The following CALD1 variants were observed in gnomAD, a reference collection of about 807,000 sequenced individuals.
The protein encoded by CALD1 is caldesmon.
CALD1 carries 33 observed loss-of-function variants against 99.9 expected under a neutral mutation model. That is an observed-to-expected ratio of 0.33 (90% CI 0.25 to 0.44). The LOEUF (loss-of-function observed/expected upper bound fraction) is 0.44. Among genes scored for constraint, CALD1 ranks in the 20% least tolerant of loss-of-function variants. The pLI is 1.00. For missense variants in CALD1, 861 were observed against 962.1 expected (o/e 0.89, Z 1.39); for synonymous variants, 310 against 325.0 (o/e 0.95, Z 0.50).
intron 3 of CALD1, among the ~76,000 whole-genome samples, chr7:134,912,549 CAG>C (rs934292311): frequency 3.3e-5 from 5 of 152,300 alleles, no homozygotes; most frequent in Admixed American, 6.5e-5. Flanking sequence ...GAGTTTACAG[CAG>C]AGAGGGGGAA....
chr7:134,765,315 GA>G (rs201728154), intron 1 of CALD1, among the ~76,000 whole-genome samples: 415 of 131,604 alleles, frequency 3.2e-3, no homozygotes, highest in Admixed American at 3.3e-3. Flanking sequence ...CTCCGTCTCG[GA>G]AAAAAAAAAA....
In CALD1 at chr7:134,947,576, A is replaced by G; in HGVS notation, c.1601A>G (p.Lys534Arg). ...GGCGCCCCCCAGGTGGAAGCCGGCA[A>G]AAGGCTGGAGGAGCTTCGTCGTCGT... ...AEGAPQVEAGKRLEELRRRRG... is the reference protein window; with the variant it reads ...AEGAPQVEAGRRLEELRRRRG... The change falls in exon 8 of 15, where the codon AAA (lysine) becomes AGA (arginine). Residue 534 changes from lysine to arginine, a missense_variant. By Grantham distance (26) the Lys-to-Arg change is conservative. This residue lies in a region of CALD1 where 293 missense variants were observed against 262.7 expected (regional missense o/e 1.12). Transcript: ENST00000361675. 6.4e-7 allele frequency: 1 copy of G among 1,562,200 alleles called. No homozygotes were observed. The highest frequency in any genetic ancestry group is 1.4e-5 in the African/African-American group (1 of 73,556).
chr7:134,909,272 G>C (rs1803620493), intron 3 of CALD1, among the ~76,000 whole-genome samples: 3 of 152,248 alleles, frequency 2.0e-5, no homozygotes, highest in South Asian at 4.1e-4. Flanking sequence ...TGCCTGCATG[G>C]AGAGAAGTTT....
the CALD1 span, among the ~76,000 whole-genome samples, chr7:134,729,651 G>C: frequency 6.8e-4 from 103 of 152,334 alleles, no homozygotes; most frequent in Middle Eastern, 0.014. Context: ...CAGCCCTCTT[G>C]TACAGATGGC....
intron 3 of CALD1, among the ~76,000 whole-genome samples, chr7:134,911,198 C>CTTTT (rs964515625): frequency 3.4e-5 from 4 of 118,118 alleles, no homozygotes; most frequent in Non-Finnish European, 5.5e-5. Context: ...TTTCCTTTTT[C>CTTTT]TTTTTTTTTT....
chr7:134,968,019 G>A (rs1420956511), intron 14 of CALD1, among the ~76,000 whole-genome samples: 1 of 151,970 alleles, frequency 6.6e-6, no homozygotes, highest in African/African-American at 2.4e-5. Context: ...GGTGGTGTAT[G>A]CCCGTAATCC....
Position 134,789,840 on chromosome 7 carries a change from C to T in CALD1, c.-130+10091C>T, listed in dbSNP as rs184780928. Reference sequence around the variant, plus strand: ...AATAGATATTTCTGTCTCTGAAGCACGAACCTCGCTGCTCTACAGAAGCAG... The same window carrying T: ...AATAGATATTTCTGTCTCTGAAGCATGAACCTCGCTGCTCTACAGAAGCAG... On this transcript the variant is annotated intron_variant, in intron 1 of 14. Coordinates refer to ENST00000361675, the MANE Select transcript of CALD1 (RefSeq NM_033138.4). 5.3e-5 allele frequency among the ~76,000 whole-genome samples: 8 copies of T among 152,228 alleles called. No homozygotes were observed. The East Asian group carries it at 5.8e-4, about 11-fold the overall frequency.
intron 7 of CALD1, among the ~76,000 whole-genome samples, chr7:134,941,918 T>A (rs1806476499): frequency 6.6e-6 from 1 of 152,206 alleles, no homozygotes; most frequent in Non-Finnish European, 1.5e-5. Context: ...GGGCAACTGA[T>A]TATCAGACAG....
chr7:134,748,189 G>A (rs771357666), intron 1 of CALD1, among the ~76,000 whole-genome samples: 2 of 152,204 alleles, frequency 1.3e-5, no homozygotes, highest in Non-Finnish European at 2.9e-5. Context: ...TCTCCATCTT[G>A]GAATGGGAAT....
At chr7:134,915,049 T>C (rs902106567) in intron 3 of CALD1, among the ~76,000 whole-genome samples, 1 of 152,212 alleles carries the variant, frequency 6.6e-6, no homozygotes, top group Non-Finnish European at 1.5e-5. Flanking sequence ...TGTGTGTCCA[T>C]TTCCAGGTTA....
the CALD1 span, among the ~76,000 whole-genome samples, chr7:134,730,497 A>AGTGT: frequency 6.6e-6 from 1 of 152,178 alleles, no homozygotes; most frequent in Non-Finnish European, 1.5e-5. Flanking sequence ...CAGTAATGCA[A>AGTGT]GCACCACACT....
Position 134,802,386 on chromosome 7 carries a change from T to C in CALD1, c.-130+22637T>C, listed in dbSNP as rs1404358848. On this transcript the variant is annotated intron_variant, in intron 1 of 14. Transcript: ENST00000361675. Reference sequence around the variant, plus strand: ...ATAATGTTTTTATGATTCATCCATGTTGTTGCATGTATAAGTAGTTCATTT... The same window carrying C: ...ATAATGTTTTTATGATTCATCCATGCTGTTGCATGTATAAGTAGTTCATTT... 2.7e-5 allele frequency among the ~76,000 whole-genome samples: 4 copies of C among 150,324 alleles called. No individual in the cohort carries two copies. In the East Asian group the frequency reaches 8.0e-4, roughly 30 times the overall value.
chr7:134,713,313 G>A, the CALD1 span, among the ~76,000 whole-genome samples: 1 of 152,142 alleles, frequency 6.6e-6, no homozygotes, highest in Non-Finnish European at 1.5e-5. Context: ...CACCTGGATG[G>A]TGCTGTGGAA....
intron 1 of CALD1, among the ~76,000 whole-genome samples, chr7:134,766,178 G>A (rs1562991638): frequency 8.3e-6 from 1 of 120,904 alleles, no homozygotes; most frequent in African/African-American, 3.3e-5. Flanking sequence ...TTGAGAGGGA[G>A]TCTCACTCTG....
intron 3 of CALD1, among the ~76,000 whole-genome samples, chr7:134,908,154 G>A (rs1196900577): frequency 6.6e-6 from 1 of 152,070 alleles, no homozygotes; most frequent in African/African-American, 2.4e-5. Flanking sequence ...GAGGATATAG[G>A]TTAAAATCTT....
intron 3 of CALD1, among the ~76,000 whole-genome samples, chr7:134,884,948 TA>T (rs1362525197): frequency 4.6e-5 from 7 of 152,248 alleles, no homozygotes; most frequent in Admixed American, 1.3e-4. Context: ...TTTATTTATT[TA>T]TTTTTTTGAG....
At chr7:134,715,061 G>A in the CALD1 span, among the ~76,000 whole-genome samples, 670 of 152,284 alleles carry the variant, frequency 4.4e-3, 4 homozygotes, top group African/African-American at 0.015. Context: ...GTTGCCATAT[G>A]TTACCCATGG....
At chr7:134,761,312 G>A (rs778648064) in intron 1 of CALD1, among the ~76,000 whole-genome samples, 7 of 152,024 alleles carry the variant, frequency 4.6e-5, no homozygotes, top group South Asian at 2.1e-4. Context: ...CTCTCTGCGC[G>A]CAGTGGAATT....
chr7:134,891,531 C>A, intron 3 of CALD1: 1 of 1,521,082 alleles, frequency 6.6e-7, no homozygotes, highest in Non-Finnish European at 8.8e-7. Flanking sequence ...GATCACATGG[C>A]CCCTCCGCGG....
Sources: gnomAD v4.1 joint callset for allele counts (sites outside exome capture counted in the v4.1 genomes callset) on GRCh38, gnomAD v4.1.1 for gene constraint, gnomAD v4.1.1 regional missense constraint, MANE v1.5 for transcripts, NCBI Gene and HGNC (gene_info 2026-07-23, HGNC 2026-07-21) for gene names.